The following DCDC2C variants were observed in gnomAD, a reference collection of about 807,000 sequenced individuals.
The protein encoded by DCDC2C is doublecortin domain-containing protein 2C.
A neutral mutation model predicts 45.0 loss-of-function variants in DCDC2C; 44 were observed. That is an observed-to-expected ratio of 0.98 (90% CI 0.77 to 1.26). The LOEUF is 1.26. Ranked by LOEUF, DCDC2C falls within the 50% of genes most tolerant of loss-of-function variation. The probability of loss-of-function intolerance (pLI) is 0.00; values close to 1 mark genes in which losing one functional copy is unlikely to be tolerated. For missense variants in DCDC2C, 447 were observed against 468.9 expected (o/e 0.95, Z 0.43); for synonymous variants, 187 against 178.8 (o/e 1.05, Z -0.37).
At chr2:3,779,327 G>A (rs1249405510) in intron 9 of DCDC2C, among the ~76,000 whole-genome samples, 2 of 152,290 alleles carry the variant, frequency 1.3e-5, no homozygotes, top group Non-Finnish European at 2.9e-5. Context: ...GAGGGCGTGC[G>A]GTGCCTGTGT....
chr2:3,750,853 G>C (rs1275137975), intron 4 of DCDC2C, among the ~76,000 whole-genome samples: 1 of 151,932 alleles, frequency 6.6e-6, no homozygotes, highest in African/African-American at 2.4e-5. Flanking sequence ...TCTTTTCACC[G>C]GTGTCGGCAC....
chr2:3,772,887 A>C (rs1323273009), intron 8 of DCDC2C, among the ~76,000 whole-genome samples: 1 of 152,156 alleles, frequency 6.6e-6, no homozygotes, highest in African/African-American at 2.4e-5. Context: ...GCTGTTTTGA[A>C]AGCTCATTCT....
At chr2:3,719,388 T>C (rs1216850795) in intron 2 of DCDC2C, among the ~76,000 whole-genome samples, 2 of 152,202 alleles carry the variant, frequency 1.3e-5, no homozygotes, top group Non-Finnish European at 2.9e-5. Flanking sequence ...CCCAGCCAGC[T>C]GTTTTCATTT....
In DCDC2C at chr2:3,744,849, C is replaced by T. The variant is rs532379040; in HGVS notation, c.545+2801C>T. Among the ~76,000 whole-genome samples the T allele has an allele frequency of 9.9e-5, 15 of 152,246 alleles. No individual in the cohort carries two copies. In the South Asian group the frequency reaches 2.5e-3, roughly 25 times the overall value. On this transcript the variant is annotated intron_variant, in intron 4 of 10. Transcript: ENST00000399143. Reference sequence around the variant, plus strand: ...TAGATGTTTGTGCACAAGTCTGTACCGGGAATACCTCCATGCTCCCAGAAT... The same window carrying T: ...TAGATGTTTGTGCACAAGTCTGTACTGGGAATACCTCCATGCTCCCAGAAT...
intron 8 of DCDC2C, among the ~76,000 whole-genome samples, chr2:3,771,587 A>C (rs1379406934): frequency 6.6e-6 from 1 of 152,032 alleles, no homozygotes; most frequent in Non-Finnish European, 1.5e-5. Flanking sequence ...TCTTGCTAGG[A>C]CTCTTCATGA....
At chr2:3,769,559 T>C in intron 8 of DCDC2C, 148 bp downstream of exon 8, 2 of 711,312 alleles carry the variant, frequency 2.8e-6, no homozygotes, top group Non-Finnish European at 4.6e-6. Flanking sequence ...ACTGCTCATC[T>C]CAGATCCTGT....
intron 8 of DCDC2C, among the ~76,000 whole-genome samples, chr2:3,774,560 A>G (rs1221127997): frequency 6.6e-6 from 1 of 152,088 alleles, no homozygotes; most frequent in Admixed American, 6.5e-5. Flanking sequence ...GGGAGAGTAG[A>G]GAGACTGCAC....
chr2:3,813,067 ATTT>A (rs869244524), intron 10 of DCDC2C, among the ~76,000 whole-genome samples: 320 of 29,166 alleles, frequency 0.011, 3 homozygotes, highest in African/African-American at 0.054. Flanking sequence ...ATATATATAT[ATTT>A]TTTTTTTTTT....
At chr2:3,767,733 T>G in intron 6 of DCDC2C, 21 bp from the exon 7 acceptor site, 1 of 1,550,248 alleles carries the variant, frequency 6.5e-7, no homozygotes, top group South Asian at 1.2e-5. Context: ...ATGGACTTTC[T>G]CTTCTTCATT....
intron 2 of DCDC2C, among the ~76,000 whole-genome samples, chr2:3,716,353 C>T (rs540783557): frequency 2.0e-5 from 3 of 152,138 alleles, no homozygotes; most frequent in Admixed American, 6.5e-5. Context: ...CTGTGTCAAA[C>T]GCTGCTGACC....
At chr2:3,770,796 T>G (rs988856754) in intron 8 of DCDC2C, among the ~76,000 whole-genome samples, 4 of 152,208 alleles carry the variant, frequency 2.6e-5, no homozygotes, top group African/African-American at 9.6e-5. Context: ...ATAAGCATAT[T>G]CATAAGTTTT....
At chr2:3,759,425 T>A (rs958457507) in intron 6 of DCDC2C, among the ~76,000 whole-genome samples, 1 of 152,176 alleles carries the variant, frequency 6.6e-6, no homozygotes, top group Non-Finnish European at 1.5e-5. Flanking sequence ...TTCTTAGTGG[T>A]TTATAAAATA....
At chr2:3,708,646 C>G in intron 2 of DCDC2C, 46 bp downstream of exon 2, 1 of 1,441,442 alleles carries the variant, frequency 6.9e-7, no homozygotes, top group South Asian at 1.3e-5. Context: ...AATTGGCCAA[C>G]TTGGTAAAAA....
intron 2 of DCDC2C, among the ~76,000 whole-genome samples, chr2:3,718,060 C>G (rs1352990046): frequency 2.6e-5 from 4 of 152,214 alleles, no homozygotes; most frequent in Non-Finnish European, 4.4e-5. Flanking sequence ...TGTCTGTGTC[C>G]CTCTGTGCTC....
intron 6 of DCDC2C, among the ~76,000 whole-genome samples, chr2:3,764,070 G>A (rs1669954776): frequency 6.6e-6 from 1 of 152,228 alleles, no homozygotes; most frequent in African/African-American, 2.4e-5. Context: ...GAATTGTAAT[G>A]TAACCAGAGG....
intron 8 of DCDC2C, among the ~76,000 whole-genome samples, chr2:3,777,415 C>G (rs1387877083): frequency 6.6e-6 from 1 of 152,204 alleles, no homozygotes; most frequent in Non-Finnish European, 1.5e-5. Context: ...TACTCACAAT[C>G]ACTTGTGTCT....
At chr2:3,840,803 T>C (rs1672193171) in intron 10 of DCDC2C, among the ~76,000 whole-genome samples, 1 of 152,210 alleles carries the variant, frequency 6.6e-6, no homozygotes, top group Non-Finnish European at 1.5e-5. Context: ...TAGGGCACGG[T>C]GCGGGTGGCC....
intron 6 of DCDC2C, among the ~76,000 whole-genome samples, chr2:3,767,257 T>C (rs1162434256): frequency 6.6e-6 from 1 of 152,268 alleles, no homozygotes; most frequent in Non-Finnish European, 1.5e-5. Context: ...TTAAAAAACA[T>C]GTGAGTTCTC....
At chr2:3,775,919 A>G (rs564147090) in intron 8 of DCDC2C, among the ~76,000 whole-genome samples, 1 of 118,106 alleles carries the variant, frequency 8.5e-6, no homozygotes, top group Non-Finnish European at 1.9e-5. Flanking sequence ...TGGGCTAGGC[A>G]GCTGTGGCTC....
Sources: gnomAD v4.1 joint callset for allele counts (sites outside exome capture counted in the v4.1 genomes callset) on GRCh38, gnomAD v4.1.1 for gene constraint, MANE v1.5 for transcripts, NCBI Gene and HGNC (gene_info 2026-07-23, HGNC 2026-07-21) for gene names.